PALM2AKAP2: variants seen among roughly 807,000 people sequenced by gnomAD.
The protein encoded by PALM2AKAP2 is PALM2-AKAP2 fusion protein.
Under a neutral mutation model 71.5 loss-of-function variants are expected in PALM2AKAP2, and 37 were observed. The observed-to-expected ratio is 0.52, with a 90% CI of 0.40 to 0.68. PALM2AKAP2 has a LOEUF of 0.68. Among genes scored for constraint, PALM2AKAP2 ranks in the 30% least tolerant of loss-of-function variants. PALM2AKAP2 has a pLI of 0.00. For missense variants in PALM2AKAP2, 1,224 were observed against 1,191.8 expected (o/e 1.03, Z -0.40); for synonymous variants, 468 against 478.8 (o/e 0.98, Z 0.29).
intron 6 of PALM2AKAP2, among the ~76,000 whole-genome samples, chr9:110,011,005 A>AT (rs1832872742): frequency 8.7e-6 from 1 of 114,472 alleles, no homozygotes; most frequent in Admixed American, 9.0e-5. Flanking sequence ...TCAAAAAAAA[A>AT]AAAAAAAAAA....
intron 1 of PALM2AKAP2, among the ~76,000 whole-genome samples, chr9:110,122,585 G>A (rs1835512390): frequency 6.6e-6 from 1 of 152,182 alleles, no homozygotes; most frequent in Non-Finnish European, 1.5e-5. Context: ...AGGTATAGAA[G>A]GGTATGTGGC....
upstream of PALM2AKAP2, among the ~76,000 whole-genome samples, chr9:110,044,746 T>C (rs558512456): frequency 1.3e-5 from 2 of 152,262 alleles, no homozygotes; most frequent in East Asian, 1.9e-4. Flanking sequence ...TCCCAGCTGA[T>C]ACTTTTTGGT....
chr9:109,720,163 A>G (rs1381108588), intron 1 of PALM2AKAP2, among the ~76,000 whole-genome samples: 1 of 151,980 alleles, frequency 6.6e-6, no homozygotes, highest in Non-Finnish European at 1.5e-5. Flanking sequence ...TAATTTTTGT[A>G]TTTTTAGTAG....
intron 1 of PALM2AKAP2, among the ~76,000 whole-genome samples, chr9:109,664,062 T>G (rs1356306960): frequency 6.6e-6 from 1 of 152,212 alleles, no homozygotes; most frequent in Non-Finnish European, 1.5e-5. Context: ...TCCATCCGTT[T>G]ATTTTGAGCC....
At position 110,034,604 on chromosome 9, in the gene PALM2AKAP2, C is replaced by CTTTT. The variant is rs57708385; in HGVS notation, c.582+18585_582+18588dup. Among the ~76,000 whole-genome samples the CTTTT allele has an allele frequency of 5.0e-4, 59 of 118,314 alleles. 1 individual carries two copies. The highest frequency in any genetic ancestry group is 1.6e-3 in the African/African-American group (46 of 28,394). 77.6% of individuals were successfully genotyped at this position (118,314 alleles called of 152,430 possible). ...AATAACTATCAAGCCATATATTCCC[C>CTTTT]TTTTTTTTTTTTTTTTTTTTTTTGA... On this transcript the variant is annotated intron_variant, in intron 7 of 9. Coordinates refer to the PALM2AKAP2 transcript ENST00000302798.
rs755966342 is a variant in PALM2AKAP2 at position 110,137,028 on chromosome 9, A to G, written c.1058A>G (p.Lys353Arg). The change falls in exon 2 of 4, where the codon AAG becomes AGG. Residue 353 changes from lysine (K) to arginine (R), a missense_variant. Transcript: ENST00000374525. ...GAGGAACATCTGGAGTCGCACAAAAAGTACAAGGAGCGCAAAGAGAGAAGG... is the reference window on the plus strand; with the variant it reads ...GAGGAACATCTGGAGTCGCACAAAAGGTACAAGGAGCGCAAAGAGAGAAGG... 4 of 1,614,178 alleles carry G rather than the reference A, an allele frequency of 2.5e-6. No homozygotes were observed. The Admixed American group carries it at 6.7e-5, about 27-fold the overall frequency.
At chr9:109,778,611 T>C (rs2118783076), upstream of PALM2AKAP2, among the ~76,000 whole-genome samples, 1 of 152,238 alleles carries the variant, frequency 6.6e-6, no homozygotes, top group South Asian at 2.1e-4. Flanking sequence ...GGGAAAACAA[T>C]CCATCAGTAA....
At chr9:109,927,705 A>T (rs1830989236) in intron 5 of PALM2AKAP2, among the ~76,000 whole-genome samples, 1 of 152,110 alleles carries the variant, frequency 6.6e-6, no homozygotes, top group Admixed American at 6.6e-5. Flanking sequence ...TCTATTCTTG[A>T]GTAGAATCTC....
At chr9:109,829,327 A>T (rs1171941746) in intron 1 of PALM2AKAP2, among the ~76,000 whole-genome samples, 3 of 152,082 alleles carry the variant, frequency 2.0e-5, no homozygotes, top group Admixed American at 2.0e-4. Context: ...GTCTTGTTAT[A>T]TCCATAGCAT....
At chr9:110,085,507 G>A (rs1358471424) in intron 1 of PALM2AKAP2, among the ~76,000 whole-genome samples, 6 of 150,518 alleles carry the variant, frequency 4.0e-5, no homozygotes, top group South Asian at 2.1e-4. Flanking sequence ...ATGTTTCACC[G>A]ATCTGGAACT....
chr9:109,725,129 T>G (rs760800831), intron 1 of PALM2AKAP2, among the ~76,000 whole-genome samples: 5 of 152,156 alleles, frequency 3.3e-5, no homozygotes, highest in Non-Finnish European at 7.4e-5. Flanking sequence ...GTCATTTTTC[T>G]CCCATCAGAA....
chr9:109,782,308 G>A (rs1826826383), intron 1 of PALM2AKAP2, among the ~76,000 whole-genome samples: 2 of 152,162 alleles, frequency 1.3e-5, no homozygotes, highest in Admixed American at 1.3e-4. Context: ...GAAGAATTGA[G>A]TTTGTCCTGT....
At chr9:109,829,614 C>A (rs1052769672) in intron 1 of PALM2AKAP2, among the ~76,000 whole-genome samples, 1 of 151,362 alleles carries the variant, frequency 6.6e-6, no homozygotes, top group Non-Finnish European at 1.5e-5. Flanking sequence ...CAGAAGTCTT[C>A]CATTTTGCAA....
At chr9:109,860,249 T>C (rs1829275664) in intron 1 of PALM2AKAP2, among the ~76,000 whole-genome samples, 1 of 152,196 alleles carries the variant, frequency 6.6e-6, no homozygotes, top group East Asian at 1.9e-4. Flanking sequence ...GACAGACTAT[T>C]TTTCTTTTTT....
rs990094013 is a variant in PALM2AKAP2 at position 110,143,064 on chromosome 9, G to A, written c.2569+4525G>A. Among the ~76,000 whole-genome samples, 3 of 151,144 alleles carry A rather than the reference G, an allele frequency of 2.0e-5. No individual in the cohort carries two copies. The East Asian group carries it at 5.9e-4, about 30-fold the overall frequency. On this transcript the variant is annotated intron_variant, in intron 2 of 3. Transcript: ENST00000374525. ...GGTGAACACCCTGTATGTTATGTGA[G>A]GGGCCATGCTCCCAATAGTGTGTGC...
chr9:110,087,256 C>T (rs1834595557), intron 1 of PALM2AKAP2, among the ~76,000 whole-genome samples: 1 of 152,212 alleles, frequency 6.6e-6, no homozygotes, highest in Non-Finnish European at 1.5e-5. Context: ...TGCTCTCCAT[C>T]AAGAGCATCA....
chr9:109,669,396 T>C (rs1827540661), intron 1 of PALM2AKAP2, among the ~76,000 whole-genome samples: 1 of 152,124 alleles, frequency 6.6e-6, no homozygotes, highest in African/African-American at 2.4e-5. Flanking sequence ...ACAAATATTG[T>C]TGTAATTTTT....
chr9:109,934,910 A>C (rs564026870), intron 6 of PALM2AKAP2, among the ~76,000 whole-genome samples: 1 of 152,302 alleles, frequency 6.6e-6, no homozygotes, highest in South Asian at 2.1e-4. Context: ...TGAGCTATGC[A>C]CTTTTCTGTC....
exon 4 of PALM2AKAP2, chr9:110,168,706 G>C (rs1836793764): frequency 1.7e-6 from 1 of 596,098 alleles, no homozygotes; most frequent in East Asian, 3.5e-5. Flanking sequence ...AATCAAAAGA[G>C]AAAGGACTTT....
Sources: allele counts gnomAD v4.1 joint callset (sites outside exome capture counted in the v4.1 genomes callset), GRCh38; gene constraint gnomAD v4.1.1; transcripts MANE v1.5; gene names NCBI Gene and HGNC (gene_info 2026-07-23, HGNC 2026-07-21).